GRM1: variants seen among roughly 807,000 people sequenced by gnomAD.
GRM1 encodes the protein metabotropic glutamate receptor 1.
A neutral mutation model predicts 90.9 loss-of-function variants in GRM1; 33 were observed. That is an observed-to-expected ratio of 0.36 (90% CI 0.28 to 0.49). The LOEUF (loss-of-function observed/expected upper bound fraction) is 0.49. Ranked by LOEUF, GRM1 falls within the 20% of genes least tolerant of loss-of-function variation. GRM1 has a pLI of 0.99. For missense variants in GRM1, 1,190 were observed against 1,534.3 expected (o/e 0.78, Z 3.75); for synonymous variants, 700 against 613.2 (o/e 1.14, Z -2.09).
At chr6:146,222,853 G>A (rs937932491) in intron 2 of GRM1, among the ~76,000 whole-genome samples, 1 of 152,112 alleles carries the variant, frequency 6.6e-6, no homozygotes, top group African/African-American at 2.4e-5. Flanking sequence ...TTACTCTGAA[G>A]AGTAACATTA....
At chr6:146,203,856 T>G (rs1779404046) in intron 2 of GRM1, among the ~76,000 whole-genome samples, 1 of 152,254 alleles carries the variant, frequency 6.6e-6, no homozygotes, top group South Asian at 2.1e-4. Flanking sequence ...CCCACAATGT[T>G]GGATGTTGGA....
chr6:146,193,985 A>G (rs990732884), intron 2 of GRM1, among the ~76,000 whole-genome samples: 13 of 151,836 alleles, frequency 8.6e-5, no homozygotes, highest in African/African-American at 2.9e-4. Flanking sequence ...GAACTTGTTT[A>G]CCTTCTCTTC....
chr6:146,433,402 C>G (rs953539206), intron 7 of GRM1, among the ~76,000 whole-genome samples: 1 of 152,060 alleles, frequency 6.6e-6, no homozygotes, highest in Non-Finnish European at 1.5e-5. Flanking sequence ...CACAACACAA[C>G]GAGAGTAGCT....
chr6:146,299,351 A>G (rs1318807159), intron 2 of GRM1, among the ~76,000 whole-genome samples: 3 of 152,054 alleles, frequency 2.0e-5, no homozygotes, highest in Non-Finnish European at 4.4e-5. Flanking sequence ...AAACAGTGAG[A>G]ATTTTACCTT....
rs1790644143 is a variant in GRM1 at position 146,029,786 on chromosome 6, A to G, written c.269A>G (p.Asn90Ser). ...EAMFHTLDKINADPVLLPNIT... is the reference protein window; with the variant it reads ...EAMFHTLDKISADPVLLPNIT... ...ATGTTCCACACGTTGGATAAGATCA[A>G]CGCGGACCCGGTCCTCCTGCCCAAC... Residue 90 changes from asparagine to serine, a missense_variant, in exon 1 of 8, where the codon AAC (asparagine) becomes AGC (serine). Asn to Ser is a conservative substitution (Grantham distance 46). This residue lies in a region of GRM1 where 91 missense variants were observed against 95.6 expected (regional missense o/e 0.95). Coordinates refer to ENST00000282753, the MANE Select transcript of GRM1 (RefSeq NM_001278064.2). 7 of 1,613,956 alleles carry G rather than the reference A, an allele frequency of 4.3e-6. No homozygotes were observed. Among genetic ancestry groups the G allele is most frequent in the African/African-American group, 1.3e-5 (1 of 74,888 alleles).
At chr6:146,034,226 TCCA>T (rs898535491) in intron 1 of GRM1, among the ~76,000 whole-genome samples, 1 of 152,062 alleles carries the variant, frequency 6.6e-6, no homozygotes, top group African/African-American at 2.4e-5. Context: ...TCTTGAAGTT[TCCA>T]CCAATCCTTC....
At chr6:146,379,912 C>G (rs527959913) in intron 5 of GRM1, among the ~76,000 whole-genome samples, 1 of 149,180 alleles carries the variant, frequency 6.7e-6, no homozygotes, top group African/African-American at 2.5e-5. Flanking sequence ...CTTACTTTCT[C>G]TCAAACATAC....
chr6:146,310,202 T>G (rs1309658465), intron 3 of GRM1, among the ~76,000 whole-genome samples: 1 of 152,244 alleles, frequency 6.6e-6, no homozygotes, highest in African/African-American at 2.4e-5. Context: ...CTCCAATAGT[T>G]TGGAGGCTGC....
chr6:146,159,843 A>G, intron 2 of GRM1: 1 of 418,674 alleles, frequency 2.4e-6, no homozygotes. Context: ...TAAGCCCAGG[A>G]GTTTGAGGTT....
intron 2 of GRM1, among the ~76,000 whole-genome samples, chr6:146,177,126 A>G (rs1778365781): frequency 6.6e-6 from 1 of 152,030 alleles, no homozygotes. Context: ...TTTGTATCTC[A>G]TTTTCCTAAC....
At chr6:146,430,295 C>T (rs553712461) in intron 7 of GRM1, among the ~76,000 whole-genome samples, 1 of 152,308 alleles carries the variant, frequency 6.6e-6, no homozygotes, top group Non-Finnish European at 1.5e-5. Context: ...CTCAGGCCTG[C>T]CTAGCTGTCC....
chr6:146,037,637 T>C (rs1324443133), intron 1 of GRM1, among the ~76,000 whole-genome samples: 1 of 151,968 alleles, frequency 6.6e-6, no homozygotes, highest in Admixed American at 6.6e-5. Context: ...AGTCTTCCTC[T>C]TAATGTCAGC....
intron 2 of GRM1, among the ~76,000 whole-genome samples, chr6:146,285,190 A>G (rs1438044555): frequency 6.6e-6 from 1 of 152,190 alleles, no homozygotes; most frequent in Non-Finnish European, 1.5e-5. Flanking sequence ...CTTACTGGCT[A>G]TATCAAACTG....
At chr6:146,152,916 C>T (rs1341041820) in intron 1 of GRM1, among the ~76,000 whole-genome samples, 2 of 152,122 alleles carry the variant, frequency 1.3e-5, no homozygotes, top group Non-Finnish European at 2.9e-5. Context: ...TCACAACTTT[C>T]TTTCAGAGCT....
At chr6:146,049,234 A>T (rs1791437163) in intron 1 of GRM1, among the ~76,000 whole-genome samples, 1 of 151,964 alleles carries the variant, frequency 6.6e-6, no homozygotes, top group Non-Finnish European at 1.5e-5. Context: ...TGATTAAGGG[A>T]CACCCGGATA....
chr6:146,191,485 C>T (rs1778934055), intron 2 of GRM1, among the ~76,000 whole-genome samples: 1 of 152,178 alleles, frequency 6.6e-6, no homozygotes, highest in Non-Finnish European at 1.5e-5. Context: ...TCTCAGCTAT[C>T]TTTCTTAAGT....
intron 2 of GRM1, among the ~76,000 whole-genome samples, chr6:146,279,742 AT>A (rs966533820): frequency 1.3e-5 from 2 of 152,106 alleles, no homozygotes; most frequent in African/African-American, 4.8e-5. Context: ...TAAAAACACC[AT>A]TTTTTTGCCA....
chr6:146,180,901 C>T (rs567309225), intron 2 of GRM1, among the ~76,000 whole-genome samples: 8 of 152,068 alleles, frequency 5.3e-5, no homozygotes, highest in South Asian at 2.1e-4. Flanking sequence ...TTTTTAAAAG[C>T]GGACCTTTCT....
At chr6:146,205,851 C>T (rs1451199966) in intron 2 of GRM1, among the ~76,000 whole-genome samples, 1 of 152,142 alleles carries the variant, frequency 6.6e-6, no homozygotes, top group Admixed American at 6.5e-5. Context: ...GGACATTTAC[C>T]TGGTTCTCCT....
Sources: gnomAD v4.1 joint callset for allele counts (sites outside exome capture counted in the v4.1 genomes callset) on GRCh38, gnomAD v4.1.1 for gene constraint, gnomAD v4.1.1 regional missense constraint, MANE v1.5 for transcripts, NCBI Gene and HGNC (gene_info 2026-07-23, HGNC 2026-07-21) for gene names.